The following RBFOX1 variants were observed in gnomAD, a reference collection of about 807,000 sequenced individuals.
The protein encoded by RBFOX1 is RNA binding protein fox-1 homolog 1.
Under a neutral mutation model 57.7 loss-of-function variants are expected in RBFOX1, and 8 were observed. The observed-to-expected ratio is 0.14, with a 90% CI of 0.08 to 0.25. The LOEUF (loss-of-function observed/expected upper bound fraction) is 0.25, where lower values mean the gene tolerates loss of function less well. Among genes scored for constraint, RBFOX1 ranks in the 10% least tolerant of loss-of-function variants. The pLI is 1.00. For missense variants in RBFOX1, 611 were observed against 548.5 expected (o/e 1.11, Z -1.14); for synonymous variants, 326 against 222.4 (o/e 1.47, Z -4.15).
chr16:7,362,629 G>C (rs1225523251), intron 4 of RBFOX1, among the ~76,000 whole-genome samples: 1 of 151,708 alleles, frequency 6.6e-6, no homozygotes, highest in Non-Finnish European at 1.5e-5. Flanking sequence ...TGTAGTATGT[G>C]TTTTGTGCGT....
chr16:5,590,074 CA>C, intron 2 of RBFOX1, among the ~76,000 whole-genome samples: 1 of 97,626 alleles, frequency 1.0e-5, no homozygotes, highest in African/African-American at 4.9e-5. Context: ...CACACACACA[CA>C]CAAAAAGGGC....
chr16:7,066,277 A>G (rs2056007083), intron 4 of RBFOX1, among the ~76,000 whole-genome samples: 1 of 152,222 alleles, frequency 6.6e-6, no homozygotes, highest in East Asian at 1.9e-4. Flanking sequence ...TTTGACAAAC[A>G]TGGTACGTTA....
intron 11 of RBFOX1, among the ~76,000 whole-genome samples, chr16:7,647,383 G>A (rs1270435643): frequency 6.6e-6 from 1 of 152,158 alleles, no homozygotes; most frequent in Non-Finnish European, 1.5e-5. Flanking sequence ...GCTGGATAAG[G>A]CTTCAGAAGG....
At chr16:7,154,178 G>T (rs554394819) in intron 4 of RBFOX1, among the ~76,000 whole-genome samples, 67 of 152,322 alleles carry the variant, frequency 4.4e-4, no homozygotes, top group African/African-American at 1.5e-3. Flanking sequence ...CCTATGATGT[G>T]CCAAGTGTTG....
intron 3 of RBFOX1, among the ~76,000 whole-genome samples, chr16:6,837,080 T>C (rs1192301730): frequency 2.0e-5 from 3 of 152,166 alleles, no homozygotes; most frequent in Admixed American, 6.5e-5. Flanking sequence ...ATGATATATA[T>C]TGGTTAACAA....
intron 2 of RBFOX1, among the ~76,000 whole-genome samples, chr16:6,595,577 C>A (rs917439247): frequency 2.6e-5 from 4 of 152,114 alleles, no homozygotes; most frequent in African/African-American, 9.7e-5. Flanking sequence ...TATATACCTA[C>A]AAGTGGAATT....
At chr16:6,365,007 C>A (rs895813568) in intron 2 of RBFOX1, among the ~76,000 whole-genome samples, 1 of 152,082 alleles carries the variant, frequency 6.6e-6, no homozygotes, top group Non-Finnish European at 1.5e-5. Flanking sequence ...TGGGAGGGTA[C>A]CTCCTTCACT....
At chr16:5,351,981 T>A (rs2065272013) in intron 1 of RBFOX1, among the ~76,000 whole-genome samples, 1 of 152,114 alleles carries the variant, frequency 6.6e-6, no homozygotes, top group African/African-American at 2.4e-5. Flanking sequence ...TTTTTTTGTA[T>A]TTTTAGTGGA....
chr16:7,495,834 G>A (rs1455667727), intron 4 of RBFOX1, among the ~76,000 whole-genome samples: 1 of 152,108 alleles, frequency 6.6e-6, no homozygotes, highest in African/African-American at 2.4e-5. Context: ...AACATCACCT[G>A]TTCCCCAAAA....
intron 3 of RBFOX1, among the ~76,000 whole-genome samples, chr16:6,747,827 C>T (rs748795791): frequency 3.6e-4 from 55 of 152,240 alleles, no homozygotes; most frequent in African/African-American, 1.2e-3. Context: ...AGTCCCTACC[C>T]GCCATCCAGA....
intron 4 of RBFOX1, among the ~76,000 whole-genome samples, chr16:7,301,338 A>G (rs569898705): frequency 1.3e-5 from 2 of 152,328 alleles, no homozygotes; most frequent in South Asian, 4.1e-4. Context: ...AGAGATGTTC[A>G]GGTTTAGTTA....
At chr16:7,399,741 T>C (rs2098208097) in intron 4 of RBFOX1, among the ~76,000 whole-genome samples, 1 of 7,236 alleles carries the variant, frequency 1.4e-4, no homozygotes, top group Non-Finnish European at 4.1e-4. Context: ...ATCAAGATCT[T>C]TTAACTTGAT....
intron 4 of RBFOX1, among the ~76,000 whole-genome samples, chr16:7,411,587 C>G (rs1034403699): frequency 1.3e-5 from 2 of 152,128 alleles, no homozygotes; most frequent in Admixed American, 6.5e-5. Flanking sequence ...TGCAAAATAT[C>G]TGACTGTCAA....
rs1023669960 is a variant in RBFOX1 at position 7,510,051 on chromosome 16, G to T, written c.28-8096G>T. 4.0e-5 allele frequency: 28 copies of T among 692,840 alleles called. No homozygotes were observed. In the African/African-American group the frequency reaches 5.1e-4, roughly 13 times the overall value. The allele number at this position is 692,840 out of a possible 1,614,324, so 42.9% of individuals were successfully genotyped here. ...ACTGAGAGTAGGAGCCAGAGGAGGA[G>T]CAAGCTGTGATTGATGGGCCAGGCC... On this transcript the variant is annotated intron_variant, in intron 4 of 15. Transcript: ENST00000550418.
chr16:5,723,775 C>T (rs1049610080), intron 3 of RBFOX1, among the ~76,000 whole-genome samples: 2 of 152,232 alleles, frequency 1.3e-5, no homozygotes, highest in African/African-American at 4.8e-5. Flanking sequence ...AGCCAGCCCA[C>T]AGGCAGCTAT....
At chr16:6,386,929 T>G (rs927768638) in intron 2 of RBFOX1, among the ~76,000 whole-genome samples, 2 of 152,162 alleles carry the variant, frequency 1.3e-5, no homozygotes, top group Non-Finnish European at 2.9e-5. Flanking sequence ...ATAAAGAATC[T>G]CTATGGTTGA....
intron 4 of RBFOX1, among the ~76,000 whole-genome samples, chr16:7,273,976 A>G (rs916829325): frequency 1.1e-4 from 16 of 152,242 alleles, no homozygotes; most frequent in Non-Finnish European, 1.5e-5. Context: ...CCCCAAGGAT[A>G]GTTCCTGAAC....
Position 7,278,591 on chromosome 16 carries a change from T to C in RBFOX1, c.27+226493T>C, listed in dbSNP as rs377132500. Among the ~76,000 whole-genome samples the C allele has an allele frequency of 4.9e-4, 74 of 152,342 alleles. 1 individual carries two copies. In the East Asian group the frequency reaches 6.2e-3, roughly 13 times the overall value. On this transcript the variant is annotated intron_variant, in intron 4 of 15. Coordinates refer to ENST00000550418, the MANE Select transcript of RBFOX1 (RefSeq NM_018723.4). ...TGGGATGCATTTATTTCATATTGAC[T>C]TCTGTTTGTATCCTTTCCTATCCTA...
chr16:6,218,277 TTTTATTTATTTATTTATTTA>T (rs57435796), intron 1 of RBFOX1, among the ~76,000 whole-genome samples: 2 of 150,680 alleles, frequency 1.3e-5, no homozygotes, highest in Non-Finnish European at 3.0e-5. Flanking sequence ...AGTGAAGTCT[TTTTATTTATTTATTTATTTA>T]TTTATTTACT....
Sources: gnomAD v4.1 joint callset for allele counts (sites outside exome capture counted in the v4.1 genomes callset) on GRCh38, gnomAD v4.1.1 for gene constraint, MANE v1.5 for transcripts, NCBI Gene and HGNC (gene_info 2026-07-23, HGNC 2026-07-21) for gene names.